The following WDR27 variants were observed in gnomAD, a reference collection of about 807,000 sequenced individuals.
WDR27 encodes the protein WD repeat domain 27, also known as WD repeat-containing protein 27.
Under a neutral mutation model 114.4 loss-of-function variants are expected in WDR27, and 100 were observed. The ratio of observed to expected loss-of-function variants is 0.87; its 90% CI spans 0.74 to 1.03. The LOEUF is 1.03. Ranked by LOEUF, WDR27 falls within the 50% of genes least tolerant of loss-of-function variation. The pLI, the probability that WDR27 is intolerant of heterozygous loss-of-function variation, is 0.00. For missense variants in WDR27, 1,129 were observed against 1,092.9 expected, an observed-to-expected ratio of 1.03 and a Z score of -0.47; for synonymous variants, 449 against 423.1, an observed-to-expected ratio of 1.06 and a Z score of -0.75.
chr6:169,627,628 G>A (rs1048090443), intron 21 of WDR27, among the ~76,000 whole-genome samples: 5 of 152,230 alleles, frequency 3.3e-5, no homozygotes, highest in Non-Finnish European at 7.3e-5. Flanking sequence ...CCTTGGTGCT[G>A]TGCACGGGGA....
the WDR27 span, among the ~76,000 whole-genome samples, chr6:169,450,155 T>G: frequency 6.6e-6 from 1 of 152,186 alleles, no homozygotes; most frequent in South Asian, 2.1e-4. Context: ...TTACGAAGAC[T>G]GGGGAGCAAC....
chr6:169,502,072 C>T (rs762738970), intron 25 of WDR27, among the ~76,000 whole-genome samples: 2 of 152,190 alleles, frequency 1.3e-5, no homozygotes, highest in Admixed American at 1.3e-4. Flanking sequence ...ACCACCTCCC[C>T]CCAGGCTAGG....
At chr6:169,601,218 C>T (rs924409954) in intron 23 of WDR27, among the ~76,000 whole-genome samples, 4 of 152,102 alleles carry the variant, frequency 2.6e-5, no homozygotes, top group South Asian at 2.1e-4. Flanking sequence ...AACTAAGCTT[C>T]GTAAGTGAAG....
At chr6:169,433,767 T>C in the WDR27 span, among the ~76,000 whole-genome samples, 15 of 152,246 alleles carry the variant, frequency 9.9e-5, no homozygotes, top group Non-Finnish European at 7.3e-5. Flanking sequence ...TCCCCGACTT[T>C]TTAATGATCG....
intron 25 of WDR27, among the ~76,000 whole-genome samples, chr6:169,532,210 A>G (rs183062473): frequency 1.3e-5 from 2 of 152,212 alleles, no homozygotes; most frequent in Non-Finnish European, 2.9e-5. Context: ...ATATTTTTTC[A>G]GGGAAAAACA....
Position 169,597,633 on chromosome 6 carries a change from T to C in WDR27, c.2424+4586A>G, listed in dbSNP as rs1179756899. ...GTACTGACCTCTAATATTCATAGCC[T>C]CAGCCCTGAAATATTGTTAAAAACC... On this transcript the variant is annotated intron_variant, in intron 23 of 25. Transcript: ENST00000448612. 2.0e-5 allele frequency among the ~76,000 whole-genome samples: 3 copies of C among 152,146 alleles called. No homozygotes were observed. The East Asian group carries it at 5.8e-4, about 29-fold the overall frequency.
At chr6:169,587,892 G>A (rs568012010) in intron 23 of WDR27, among the ~76,000 whole-genome samples, 116 of 152,234 alleles carry the variant, frequency 7.6e-4, no homozygotes, top group South Asian at 3.5e-3. Context: ...AAATGGCAGC[G>A]ACTGCCAGTC....
chr6:169,698,721 G>C (rs1786959903), intron 1 of WDR27, among the ~76,000 whole-genome samples: 1 of 152,220 alleles, frequency 6.6e-6, no homozygotes, highest in African/African-American at 2.4e-5. Context: ...GCACAGGCTT[G>C]GTCCTGTCAC....
the WDR27 span, among the ~76,000 whole-genome samples, chr6:169,450,543 T>C: frequency 2.0e-5 from 3 of 152,176 alleles, no homozygotes; most frequent in Admixed American, 2.0e-4. Context: ...GGGAAATGTA[T>C]TGAGATATCA....
downstream of WDR27, among the ~76,000 whole-genome samples, chr6:169,453,462 C>CTT (rs1784235393): frequency 1.3e-5 from 2 of 152,206 alleles, no homozygotes; most frequent in South Asian, 4.1e-4. Context: ...AAGCCTGCCG[C>CTT]TCACATGCTG....
chr6:169,541,365 G>A (rs1254040727), intron 25 of WDR27, among the ~76,000 whole-genome samples: 2 of 152,188 alleles, frequency 1.3e-5, no homozygotes, highest in African/African-American at 4.8e-5. Flanking sequence ...ACTCTGAGCT[G>A]TGTATCAGTG....
intron 25 of WDR27, among the ~76,000 whole-genome samples, chr6:169,468,544 C>T (rs905112956): frequency 2.6e-5 from 4 of 152,190 alleles, no homozygotes; most frequent in Non-Finnish European, 4.4e-5. Flanking sequence ...GTAACCACCA[C>T]CATGATTCAA....
intron 25 of WDR27, among the ~76,000 whole-genome samples, chr6:169,565,064 G>A (rs566999779): frequency 6.6e-6 from 1 of 152,170 alleles, no homozygotes; most frequent in East Asian, 2.0e-4. Flanking sequence ...GCCCAGTCTA[G>A]CCAAGCCTCA....
At chr6:169,636,757 T>G (rs776686785) in intron 18 of WDR27, among the ~76,000 whole-genome samples, 2 of 152,190 alleles carry the variant, frequency 1.3e-5, no homozygotes, top group African/African-American at 2.4e-5. Flanking sequence ...AATCGAAACT[T>G]AGCAGTAAAC....
chr6:169,631,399 G>T (rs1293596761), intron 21 of WDR27, among the ~76,000 whole-genome samples: 2 of 151,728 alleles, frequency 1.3e-5, no homozygotes, highest in Non-Finnish European at 2.9e-5. Flanking sequence ...AACTTGAAAT[G>T]TCCTATTAAT....
chr6:169,583,465 G>T (rs1431074669), intron 23 of WDR27, among the ~76,000 whole-genome samples: 1 of 18,644 alleles, frequency 5.4e-5, no homozygotes, highest in Non-Finnish European at 1.3e-4. Flanking sequence ...CTCTTTAATT[G>T]TGTGTGTGTG....
At chr6:169,507,886 C>G (rs530495160) in intron 25 of WDR27, among the ~76,000 whole-genome samples, 1 of 152,206 alleles carries the variant, frequency 6.6e-6, no homozygotes, top group Non-Finnish European at 1.5e-5. Context: ...CACAACTGTG[C>G]TAGCCACTCT....
chr6:169,430,278 G>A, the WDR27 span, among the ~76,000 whole-genome samples: 1 of 152,236 alleles, frequency 6.6e-6, no homozygotes, highest in South Asian at 2.1e-4. Context: ...ACAGGGCAAG[G>A]GAAGGCCAGG....
chr6:169,562,816 G>T (rs1453984397), intron 25 of WDR27, among the ~76,000 whole-genome samples: 2 of 152,178 alleles, frequency 1.3e-5, no homozygotes, highest in African/African-American at 4.8e-5. Flanking sequence ...AGCGAGGGGT[G>T]AGGAGGCCGA....
Sources: allele counts gnomAD v4.1 joint callset (sites outside exome capture counted in the v4.1 genomes callset), GRCh38; gene constraint gnomAD v4.1.1; transcripts MANE v1.5; gene names NCBI Gene and HGNC (gene_info 2026-07-23, HGNC 2026-07-21).